REEP1: variants seen among roughly 807,000 people sequenced by gnomAD.
REEP1 encodes the protein receptor expression-enhancing protein 1.
REEP1 carries 22 observed loss-of-function variants against 40.3 expected under a neutral mutation model. That is an observed-to-expected ratio of 0.55 (90% CI 0.39 to 0.78). The LOEUF (loss-of-function observed/expected upper bound fraction) is 0.78. REEP1 is among the 30% of genes least tolerant of loss of function. The pLI is 0.00. For missense variants in REEP1, 280 were observed against 361.1 expected (o/e 0.78, Z 1.82); for synonymous variants, 116 against 139.2 (o/e 0.83, Z 1.17).
intron 1 of REEP1, among the ~76,000 whole-genome samples, chr2:86,325,293 G>T (rs1045612561): frequency 2.0e-5 from 3 of 152,176 alleles, no homozygotes; most frequent in Non-Finnish European, 4.4e-5. Context: ...ACATCAAAGT[G>T]TTCCCTTGTG....
In REEP1 at chr2:86,255,118, C is replaced by T. The variant is rs142777874; in HGVS notation, c.183-304G>A. The T allele has an allele frequency of 9.1e-4, 293 of 321,722 alleles. 3 individuals are homozygous for T. The highest frequency in any genetic ancestry group is 5.9e-3 in the African/African-American group (280 of 47,808). 19.9% of individuals were successfully genotyped at this position (321,722 alleles called of 1,614,324 possible). ...GCCTGGCACAGGCTGGAGCTTCCTG[C>T]TGGGCTGTGCTCATTTAGATTGGAG... On this transcript the variant is annotated intron_variant, in intron 3 of 8. Transcript: ENST00000538924.
chr2:86,299,601 A>T (rs1573008581), intron 1 of REEP1, among the ~76,000 whole-genome samples: 1 of 152,326 alleles, frequency 6.6e-6, no homozygotes. Flanking sequence ...ATGTGGTTAT[A>T]TCATACCTTC....
At chr2:86,289,310 G>A (rs189232042) in intron 1 of REEP1, among the ~76,000 whole-genome samples, 9 of 152,122 alleles carry the variant, frequency 5.9e-5, no homozygotes, top group East Asian at 1.9e-4. Flanking sequence ...AGTGCTACCC[G>A]TCATACATAA....
chr2:86,251,577 A>G, intron 5 of REEP1: 2 of 326,104 alleles, frequency 6.1e-6, no homozygotes, highest in Non-Finnish European at 1.2e-5. Context: ...AGGAAACTGC[A>G]GAGAAGCACT....
chr2:86,251,783 G>C, intron 5 of REEP1, 174 bp downstream of exon 5: 1 of 681,272 alleles, frequency 1.5e-6, no homozygotes, highest in Non-Finnish European at 2.7e-6. Context: ...TGGGGGGTGA[G>C]AATTTTCTGG....
At chr2:86,238,797 C>G (rs1675500815) in intron 5 of REEP1, among the ~76,000 whole-genome samples, 1 of 152,030 alleles carries the variant, frequency 6.6e-6, no homozygotes, top group Non-Finnish European at 1.5e-5. Flanking sequence ...AAGATAGAAA[C>G]CAGGTAGAAA....
At chr2:86,265,769 A>G (rs900422281) in intron 2 of REEP1, among the ~76,000 whole-genome samples, 2 of 152,156 alleles carry the variant, frequency 1.3e-5, no homozygotes, top group Non-Finnish European at 2.9e-5. Context: ...GGAATAATAG[A>G]CTTTGGAGAC....
At chr2:86,235,419 A>G (rs763959830) in intron 5 of REEP1, among the ~76,000 whole-genome samples, 3 of 152,246 alleles carry the variant, frequency 2.0e-5, no homozygotes, top group Non-Finnish European at 4.4e-5. Context: ...GATACCCATC[A>G]CATAGCCCAT....
At chr2:86,257,325 T>C (rs546062189) in intron 3 of REEP1, among the ~76,000 whole-genome samples, 61 of 147,906 alleles carry the variant, frequency 4.1e-4, no homozygotes, top group African/African-American at 1.6e-3. Flanking sequence ...AAATAGGTCA[T>C]GCATGCATAT....
At position 86,255,058 on chromosome 2, in the gene REEP1, C is replaced by T; in HGVS notation, c.183-244G>A. On this transcript the variant is annotated intron_variant, in intron 3 of 8. Transcript: ENST00000538924. Reference sequence around the variant, plus strand: ...TTTTGTTGCCAAAGCAAACCAGGAACACAGGTTCTCTCCAGCAATCACCCC... The same window carrying T: ...TTTTGTTGCCAAAGCAAACCAGGAATACAGGTTCTCTCCAGCAATCACCCC... 4 of 448,338 alleles carry T rather than the reference C, an allele frequency of 8.9e-6. No homozygotes were observed. In the South Asian group the frequency reaches 1.1e-4, roughly 12 times the overall value. 27.8% of individuals were successfully genotyped at this position (448,338 alleles called of 1,614,324 possible).
At chr2:86,329,160 C>T (rs751282518) in intron 1 of REEP1, among the ~76,000 whole-genome samples, 4 of 152,206 alleles carry the variant, frequency 2.6e-5, no homozygotes, top group Admixed American at 6.5e-5. Flanking sequence ...CTCCTCTCAA[C>T]GTTCAGATGC....
rs571520028 is a variant in REEP1, at chr2:86,223,133, C to T, written c.632-3012G>A. 5.9e-5 allele frequency among the ~76,000 whole-genome samples: 9 copies of T among 152,354 alleles called. No homozygotes were observed. The South Asian group carries it at 1.9e-3, about 32-fold the overall frequency. ...AGAGCTGCCACTATGATGCCCAAAG[C>T]TGGGTTGCTTCTAGGAAAGGGCAGG... On this transcript the variant is annotated intron_variant, in intron 7 of 8. Coordinates refer to ENST00000538924, the MANE Select transcript of REEP1 (RefSeq NM_001371279.1).
intron 1 of REEP1, among the ~76,000 whole-genome samples, chr2:86,287,661 C>T (rs1678468523): frequency 6.6e-6 from 1 of 152,164 alleles, no homozygotes; most frequent in Non-Finnish European, 1.5e-5. Flanking sequence ...CTCCTTGGTT[C>T]TTCAGCTCCT....
At chr2:86,255,851 G>A (rs1432462855) in intron 3 of REEP1, among the ~76,000 whole-genome samples, 1 of 152,160 alleles carries the variant, frequency 6.6e-6, no homozygotes, top group Admixed American at 6.5e-5. Flanking sequence ...ACAGAGCTTG[G>A]TCTGAATTTC....
chr2:86,299,095 T>C (rs746282714), intron 1 of REEP1, among the ~76,000 whole-genome samples: 2 of 152,238 alleles, frequency 1.3e-5, no homozygotes, highest in Non-Finnish European at 2.9e-5. Flanking sequence ...CTTATGTTGA[T>C]ATCAAGGGCC....
chr2:86,283,600 C>T (rs1463177364), intron 1 of REEP1, among the ~76,000 whole-genome samples: 1 of 152,208 alleles, frequency 6.6e-6, no homozygotes, highest in Admixed American at 6.5e-5. Flanking sequence ...AGGGAACACC[C>T]TGACATTCCA....
At chr2:86,248,123 C>T (rs1237916470) in intron 5 of REEP1, among the ~76,000 whole-genome samples, 1 of 152,208 alleles carries the variant, frequency 6.6e-6, no homozygotes, top group Admixed American at 6.5e-5. Context: ...TTCATCCCAT[C>T]GTTTTATCCC....
At chr2:86,271,856 T>C (rs1436359184) in intron 2 of REEP1, among the ~76,000 whole-genome samples, 2 of 152,198 alleles carry the variant, frequency 1.3e-5, no homozygotes, top group Non-Finnish European at 2.9e-5. Flanking sequence ...TTTATAGGTT[T>C]TTTCTTTTTA....
At chr2:86,300,849 C>T (rs901593769) in intron 1 of REEP1, among the ~76,000 whole-genome samples, 2 of 152,186 alleles carry the variant, frequency 1.3e-5, no homozygotes, top group Non-Finnish European at 2.9e-5. Flanking sequence ...GTCCCCTTAG[C>T]CTTCTCTCCA....
Sources: gnomAD v4.1 joint callset for allele counts (sites outside exome capture counted in the v4.1 genomes callset) on GRCh38, gnomAD v4.1.1 for gene constraint, MANE v1.5 for transcripts, NCBI Gene and HGNC (gene_info 2026-07-23, HGNC 2026-07-21) for gene names.